Variants in LDLRAD4 observed in about 807,000 individuals in gnomAD.
LDLRAD4 encodes the protein low-density lipoprotein receptor class A domain-containing protein 4.
In LDLRAD4, 5 loss-of-function variants were observed where a neutral mutation model predicts 17.0. The ratio of observed to expected loss-of-function variants is 0.29; its 90% CI spans 0.15 to 0.62. The LOEUF is 0.62. LDLRAD4 is among the 20% of genes least tolerant of loss of function. LDLRAD4 has a pLI of 0.84. For synonymous variants in LDLRAD4, 168 were observed against 171.8 expected (o/e 0.98, Z 0.17); for missense variants, 340 against 424.7 (o/e 0.80, Z 1.75).
chr18:13,278,838 G>A (rs1300006835), intron 1 of LDLRAD4, among the ~76,000 whole-genome samples: 2 of 152,098 alleles, frequency 1.3e-5, no homozygotes, highest in Non-Finnish European at 2.9e-5. Context: ...TCAGGAGCTC[G>A]ATAAAACTTT....
intron 3 of LDLRAD4, among the ~76,000 whole-genome samples, chr18:13,567,052 G>C (rs1045061802): frequency 2.0e-5 from 3 of 152,174 alleles, no homozygotes; most frequent in East Asian, 1.9e-4. Context: ...CCTGGCCCAG[G>C]GGGGAAGCAG....
chr18:13,642,893 TTTTG>T lies in LDLRAD4; in HGVS notation c.337-446_337-443del, dbSNP rs370401857. 8.3e-3 allele frequency: 3,837 copies of T among 464,892 alleles called. 18 individuals are homozygous for T. The highest frequency in any genetic ancestry group is 0.01 in the Non-Finnish European group (2,890 of 288,276). 28.8% of individuals were successfully genotyped at this position (464,892 alleles called of 1,614,324 possible). A position where few individuals can be genotyped will look rare whatever the true frequency, so the allele number is the denominator to read the frequency against. On this transcript the variant is annotated intron_variant, in intron 4 of 5. Coordinates refer to ENST00000359446, the Ensembl canonical transcript of LDLRAD4. ...GACGGGCTCTTTCTCGCTCCACGTT[TTTTG>T]TTTGTTTGTTTGTTTGTTTATCTAT...
chr18:13,650,461 C>G (rs944125597), exon 6 of LDLRAD4: 1 of 397,864 alleles, frequency 2.5e-6, no homozygotes. Context: ...TAGATATACC[C>G]CTATCATGTC....
chr18:13,279,772 A>G (rs2146246877), intron 1 of LDLRAD4: 1 of 152,380 alleles, frequency 6.6e-6, no homozygotes, highest in Admixed American at 6.5e-5. Flanking sequence ...TAAAGAAGAA[A>G]TCACTATCTC....
At chr18:13,610,305 T>TTTTTTTTTTTTTTTC in intron 3 of LDLRAD4, among the ~76,000 whole-genome samples, 498 of 24,352 alleles carry the variant, frequency 0.02, 177 homozygotes, top group Non-Finnish European at 0.033. Context: ...TTTTTTTTTT[T>TTTTTTTTTTTTTTTC]GAGACGGAGT....
In LDLRAD4 at chr18:13,545,720, G is replaced by A. The variant is rs1226111252; in HGVS notation, c.182-75397G>A. Among the ~76,000 whole-genome samples, 4 of 152,196 alleles carry A rather than the reference G, an allele frequency of 2.6e-5. No homozygotes were observed. In the East Asian group the frequency reaches 7.7e-4, roughly 29 times the overall value. On this transcript the variant is annotated intron_variant, in intron 3 of 5. Coordinates refer to ENST00000359446, the Ensembl canonical transcript of LDLRAD4. Reference sequence around the variant, plus strand: ...CAGGAAAGAGACAGGAGATGTTATGGAGCCAAGCAAGCTAATTTATGACAC... The same window carrying A: ...CAGGAAAGAGACAGGAGATGTTATGAAGCCAAGCAAGCTAATTTATGACAC...
chr18:13,438,203 C>T lies in LDLRAD4; in HGVS notation c.41-41C>T, dbSNP rs375478517. 8 of 1,593,280 alleles carry T rather than the reference C, an allele frequency of 5.0e-6. No homozygotes were observed. In the African/African-American group the frequency reaches 8.0e-5, roughly 16 times the overall value. ...ACAGTCACAGCTCAAGAGCACCAAG[C>T]TTGCATTGACTGCTCCATGCTTTAT... On this transcript the variant is annotated intron_variant, in intron 2 of 5. Coordinates refer to ENST00000359446, the Ensembl canonical transcript of LDLRAD4.
chr18:13,596,851 C>T lies in LDLRAD4; in HGVS notation c.182-24266C>T, dbSNP rs76271118. Among the ~76,000 whole-genome samples, 62 of 152,278 alleles carry T rather than the reference C, an allele frequency of 4.1e-4. 2 individuals carry two copies. The East Asian group carries it at 0.011, about 27-fold the overall frequency. Reference sequence around the variant, plus strand: ...CTCCCACTCACCTCCTCTGTGTTGTCATCATGAAATAAATTACATTTCTAC... The same window carrying T: ...CTCCCACTCACCTCCTCTGTGTTGTTATCATGAAATAAATTACATTTCTAC... On this transcript the variant is annotated intron_variant, in intron 3 of 5. Coordinates refer to ENST00000359446, the Ensembl canonical transcript of LDLRAD4.
chr18:13,322,561 A>G (rs1340547602), intron 1 of LDLRAD4, among the ~76,000 whole-genome samples: 1 of 151,562 alleles, frequency 6.6e-6, no homozygotes, highest in Non-Finnish European at 1.5e-5. Context: ...CAGCCTCCCA[A>G]AGTGCCTCCC....
chr18:13,517,590 G>A (rs2093886837), intron 3 of LDLRAD4, among the ~76,000 whole-genome samples: 1 of 152,220 alleles, frequency 6.6e-6, no homozygotes, highest in Non-Finnish European at 1.5e-5. Context: ...CACACAAGCA[G>A]TGTGGTCCTG....
At chr18:13,530,066 A>G (rs1211368367) in intron 3 of LDLRAD4, among the ~76,000 whole-genome samples, 1 of 152,222 alleles carries the variant, frequency 6.6e-6, no homozygotes, top group African/African-American at 2.4e-5. Context: ...TTAAAGGAAA[A>G]AAAACACTGC....
At chr18:13,360,248 G>A (rs144627875) in intron 1 of LDLRAD4, among the ~76,000 whole-genome samples, 1 of 152,284 alleles carries the variant, frequency 6.6e-6, no homozygotes, top group African/African-American at 2.4e-5. Flanking sequence ...GAGCCACTTT[G>A]GAAACAGGTT....
intron 3 of LDLRAD4, among the ~76,000 whole-genome samples, chr18:13,467,810 TGA>T (rs1382915272): frequency 2.6e-5 from 4 of 152,206 alleles, no homozygotes; most frequent in African/African-American, 9.7e-5. Context: ...TGAAGAGAAC[TGA>T]GAGTCCGGAC....
At chr18:13,442,633 C>G (rs1375030869) in intron 3 of LDLRAD4, among the ~76,000 whole-genome samples, 1 of 152,236 alleles carries the variant, frequency 6.6e-6, no homozygotes, top group Admixed American at 6.5e-5. Flanking sequence ...GAGCCTGAGG[C>G]TGGCATCCCA....
At chr18:13,359,229 C>G (rs2083516009) in intron 1 of LDLRAD4, among the ~76,000 whole-genome samples, 1 of 152,180 alleles carries the variant, frequency 6.6e-6, no homozygotes, top group Admixed American at 6.5e-5. Flanking sequence ...AGAATCTGGA[C>G]ATTGTGTCAC....
At chr18:13,502,483 A>G (rs2093628336) in intron 3 of LDLRAD4, among the ~76,000 whole-genome samples, 1 of 152,266 alleles carries the variant, frequency 6.6e-6, no homozygotes, top group Non-Finnish European at 1.5e-5. Flanking sequence ...GCACTAAGTC[A>G]TTTAAAACAT....
At chr18:13,384,956 G>A (rs1228763370) in intron 1 of LDLRAD4, among the ~76,000 whole-genome samples, 2 of 152,198 alleles carry the variant, frequency 1.3e-5, no homozygotes, top group African/African-American at 4.8e-5. Context: ...CGGGAGTGTA[G>A]ATATATTTTT....
chr18:13,459,907 G>T (rs1376245609), intron 3 of LDLRAD4: 1 of 154,102 alleles, frequency 6.5e-6, no homozygotes, highest in Non-Finnish European at 1.5e-5. Context: ...CGTTAGAGGT[G>T]CATAAACTCA....
intron 3 of LDLRAD4, among the ~76,000 whole-genome samples, chr18:13,539,206 C>G (rs2094240996): frequency 6.6e-6 from 1 of 152,076 alleles, no homozygotes; most frequent in African/African-American, 2.4e-5. Flanking sequence ...ATTTCGAGAC[C>G]TCTGGGGAGA....
Sources: allele counts gnomAD v4.1 joint callset (sites outside exome capture counted in the v4.1 genomes callset), GRCh38; gene constraint gnomAD v4.1.1; transcripts MANE v1.5; gene names NCBI Gene and HGNC (gene_info 2026-07-23, HGNC 2026-07-21).